Variants in C11orf91 observed in about 807,000 individuals in gnomAD.
C11orf91 encodes uncharacterized protein C11orf91.
In C11orf91, 10 loss-of-function variants were observed where a neutral mutation model predicts 14.3. That is an observed-to-expected ratio of 0.70 (90% CI 0.43 to 1.18). C11orf91 has a LOEUF of 1.18. Ranked by LOEUF, C11orf91 falls within the 50% of genes most tolerant of loss-of-function variation. C11orf91 has a pLI of 0.00. For synonymous variants in C11orf91, 141 were observed against 130.6 expected (o/e 1.08, Z -0.54); for missense variants, 236 against 269.0 (o/e 0.88, Z 0.86).
At position 33,698,394 on chromosome 11, in the gene C11orf91, A is replaced by C; in HGVS notation, c.*35T>G. The C allele has an allele frequency of 7.9e-7, 1 of 1,258,138 alleles. No homozygotes were observed. Among genetic ancestry groups the C allele is most frequent in the Non-Finnish European group, 1.1e-6 (1 of 892,060 alleles). The allele number at this position is 1,258,138 out of a possible 1,614,324, so 77.9% of individuals were successfully genotyped here. A position where few individuals can be genotyped will look rare whatever the true frequency, so the allele number is the denominator to read the frequency against. On this transcript the variant is annotated 3_prime_UTR_variant, in exon 2 of 2. Transcript: ENST00000379011. The stretch of plus-strand genomic sequence containing the variant: ...CACATTATCTAAGCACTAACACCTA[A>C]GGAGGTGGCTGCCCAAGCTCTGGTA...
intron 1 of C11orf91, among the ~76,000 whole-genome samples, chr11:33,699,104 G>GGATTTCTTAACTATGTATTCGGTTAA (rs1853079345): frequency 1.3e-5 from 2 of 151,836 alleles, no homozygotes; most frequent in African/African-American, 2.4e-5. Flanking sequence ...CCCGGCCCCT[G>GGATTTCTTAACTATGTATTCGGTTAA]GATTTCTTAA....
rs1853105586 is a variant in C11orf91, at chr11:33,700,515, G to A, written c.226C>T (p.Pro76Ser). ...GGACCCAGGCCGGGTGGTGGCGGGG[G>A]CGGGGGCGCCGGGGCGGGGAGCGCC... ...SQALPAPAPP[P>S]PPPPGLGPSS... The change falls in exon 1 of 2, where the codon CCC becomes TCC. Residue 76 changes from proline to serine, a missense_variant. By Grantham distance (74) the Pro-to-Ser change is moderately conservative. Transcript: ENST00000379011. The A allele has an allele frequency of 2.2e-6, 3 of 1,342,482 alleles. No homozygotes were observed. Among genetic ancestry groups the A allele is most frequent in the South Asian group, 2.0e-5 (1 of 50,124 alleles). 83.2% of individuals were successfully genotyped at this position (1,342,482 alleles called of 1,614,324 possible).
At position 33,700,810 on chromosome 11, in the gene C11orf91, G is replaced by A; in HGVS notation, c.-70C>T. The A allele has an allele frequency of 2.4e-6, 3 of 1,242,792 alleles. No homozygotes were observed. Among genetic ancestry groups the A allele is most frequent in the South Asian group, 3.5e-5 (1 of 28,802 alleles). 77.0% of individuals were successfully genotyped at this position (1,242,792 alleles called of 1,614,324 possible). Reference sequence around the variant, plus strand: ...CGCGCGCTCAGGCCCCGAGTCGCCGGGGTTTCGAGGTTCCACAAGCCCCGC... The same window carrying A: ...CGCGCGCTCAGGCCCCGAGTCGCCGAGGTTTCGAGGTTCCACAAGCCCCGC... On this transcript the variant is annotated 5_prime_UTR_variant, in exon 1 of 2. Transcript: ENST00000379011.
chr11:33,699,658 G>A (rs889793087), intron 1 of C11orf91: 3 of 456,150 alleles, frequency 6.6e-6, no homozygotes, highest in South Asian at 3.1e-5. Context: ...CAGGATCCTG[G>A]TGAGAGAACT....
upstream of C11orf91, chr11:33,702,671 CGT>C (rs1180299652): frequency 3.1e-6 from 1 of 318,818 alleles, no homozygotes; most frequent in Non-Finnish European, 6.4e-6. Context: ...CATGTACCTG[CGT>C]AATAAACTTT....
chr11:33,705,385 G>C (rs1853269511), upstream of C11orf91: 1 of 152,334 alleles, frequency 6.6e-6, no homozygotes. Flanking sequence ...GGCAACTTCA[G>C]GGATCCAGGT....
In C11orf91 at chr11:33,698,389, A is replaced by T; in HGVS notation, c.*40T>A. ...TGGGACACATTATCTAAGCACTAACACCTAAGGAGGTGGCTGCCCAAGCTC... is the reference window on the plus strand; with the variant it reads ...TGGGACACATTATCTAAGCACTAACTCCTAAGGAGGTGGCTGCCCAAGCTC... On this transcript the variant is annotated 3_prime_UTR_variant, in exon 2 of 2. Transcript: ENST00000379011. The T allele has an allele frequency of 8.5e-7, 1 of 1,179,530 alleles. No homozygotes were observed. Among genetic ancestry groups the T allele is most frequent in the Non-Finnish European group, 1.2e-6 (1 of 820,416 alleles). The allele number at this position is 1,179,530 out of a possible 1,614,324, so 73.1% of individuals were successfully genotyped here. A position where few individuals can be genotyped will look rare whatever the true frequency, so the allele number is the denominator to read the frequency against.
rs2133495862 is a variant in C11orf91, at chr11:33,698,456, A to G, written c.555T>C (p.Pro185=). The G allele has an allele frequency of 6.5e-7, 1 of 1,537,446 alleles. No homozygotes were observed. Among genetic ancestry groups the G allele is most frequent in the Non-Finnish European group, 8.7e-7 (1 of 1,146,844 alleles). The change falls in exon 2 of 2, where the codon CCT becomes CCC. Residue 185 remains proline (P), a synonymous_variant. Coordinates refer to ENST00000379011, the MANE Select transcript of C11orf91 (RefSeq NM_001166692.2). ...AGGAGAGAGAGGCCGACTTCTTTCC[A>G]GGTTGCTTGGTCTTCAGTCCTTGTA... is the stretch of plus-strand genomic sequence containing the variant. The part of the protein sequence containing the change: ...EKLQGLKTKQ[P]GKKSASLS
intron 1 of C11orf91, among the ~76,000 whole-genome samples, chr11:33,699,367 T>C (rs1055190849): frequency 6.6e-6 from 1 of 152,200 alleles, no homozygotes; most frequent in Non-Finnish European, 1.5e-5. Context: ...AGCCGTTATA[T>C]ACGATAGTTG....
chr11:33,699,465 A>C (rs953964411), intron 1 of C11orf91: 3 of 437,614 alleles, frequency 6.9e-6, no homozygotes, highest in African/African-American at 6.0e-5. Flanking sequence ...CAAAGTCTGC[A>C]GGACAACCTA....
intron 1 of C11orf91, chr11:33,699,539 A>G (rs1402020587): frequency 2.2e-6 from 1 of 456,226 alleles, no homozygotes; most frequent in Admixed American, 2.3e-5. Flanking sequence ...TAACAACTTT[A>G]CCCTCCAACA....
At chr11:33,705,873 C>A in the C11orf91 span, 87 of 152,248 alleles carry the variant, frequency 5.7e-4, 1 homozygote, top group African/African-American at 2.0e-3. Flanking sequence ...TTTTAGGTTG[C>A]CTAATTAATG....
chr11:33,699,568 C>T (rs76438225), intron 1 of C11orf91: 4,743 of 456,304 alleles, frequency 0.01, 49 homozygotes, highest in African/African-American at 0.018. Context: ...TCATTCAGCT[C>T]GTAGGCTGAG....
chr11:33,699,704 C>A (rs959151295), intron 1 of C11orf91: 2 of 452,154 alleles, frequency 4.4e-6, no homozygotes, highest in African/African-American at 2.0e-5. Context: ...AGGGGGGCTG[C>A]CCCCCAGCAT....
At chr11:33,699,924 A>T (rs1439340081) in intron 1 of C11orf91, among the ~76,000 whole-genome samples, 2 of 151,688 alleles carry the variant, frequency 1.3e-5, no homozygotes, top group Non-Finnish European at 2.9e-5. Context: ...ATGACTGTGC[A>T]GGAGGATTAA....
At chr11:33,702,757 A>AT, upstream of C11orf91, 2 of 377,156 alleles carry the variant, frequency 5.3e-6, no homozygotes, top group Non-Finnish European at 1.1e-5. Context: ...TAGAAGAAAA[A>AT]TTTTTTCACC....
At chr11:33,704,941 G>C (rs1381293850), upstream of C11orf91, 1 of 152,462 alleles carries the variant, frequency 6.6e-6, no homozygotes, top group Non-Finnish European at 1.5e-5. Context: ...GTCTGGACTT[G>C]GGGGTGCAGG....
chr11:33,704,125 A>G (rs1458715136), upstream of C11orf91: 1 of 152,084 alleles, frequency 6.6e-6, no homozygotes, highest in Non-Finnish European at 1.5e-5. Context: ...GATATGTCAC[A>G]ATTTGCCGTG....
upstream of C11orf91, chr11:33,703,598 G>C (rs186551667): frequency 1.3e-5 from 2 of 152,364 alleles, no homozygotes; most frequent in East Asian, 3.9e-4. Context: ...CTGTCGGCCT[G>C]GTAGCCAGGT....
Sources: allele counts gnomAD v4.1 joint callset (sites outside exome capture counted in the v4.1 genomes callset), GRCh38; gene constraint gnomAD v4.1.1; transcripts MANE v1.5; gene names NCBI Gene and HGNC (gene_info 2026-07-23, HGNC 2026-07-21).